UBAC2: variants seen among roughly 807,000 people sequenced by gnomAD.
UBAC2 encodes the protein UBA domain containing 2.
In UBAC2, 26 loss-of-function variants were observed where a neutral mutation model predicts 44.0. That is an observed-to-expected ratio of 0.59 (90% confidence interval 0.43 to 0.82). The LOEUF is 0.82. Among genes scored for constraint, UBAC2 ranks in the 40% least tolerant of loss-of-function variants. UBAC2 has a pLI of 0.00. For missense variants in UBAC2, 329 were observed against 419.4 expected, an observed-to-expected ratio of 0.78 and a Z score of 1.88; for synonymous variants, 155 against 154.3, an observed-to-expected ratio of 1.00 and a Z score of -0.04.
chr13:99,201,290 A>G, intron 1 of UBAC2: 3 of 1,455,550 alleles, frequency 2.1e-6, no homozygotes, highest in Non-Finnish European at 2.7e-6. Flanking sequence ...GCGCTGAAGG[A>G]AGGGGCCGTC....
intron 4 of UBAC2, among the ~76,000 whole-genome samples, chr13:99,262,641 T>C (rs2043680484): frequency 1.1e-5 from 1 of 91,708 alleles, no homozygotes; most frequent in Non-Finnish European, 2.5e-5. Context: ...AGATGGAGGT[T>C]GCAGTGAGCC....
Position 99,358,890 on chromosome 13 carries a change from G to C in UBAC2, c.808-8897G>C, listed in dbSNP as rs549700852. Among the ~76,000 whole-genome samples, 13 of 152,330 alleles carry C rather than the reference G, an allele frequency of 8.5e-5. No individual in the cohort carries two copies. The South Asian group carries it at 1.4e-3, about 17-fold the overall frequency. On this transcript the variant is annotated intron_variant, in intron 7 of 8. Transcript: ENST00000403766. ...ATCTTAGGTGTCTCCTTAACATTTA[G>C]ATGAAAGTGTGTTCAGGAGACAGTG...
chr13:99,246,220 C>G (rs1027264781), intron 4 of UBAC2, among the ~76,000 whole-genome samples: 1 of 152,092 alleles, frequency 6.6e-6, no homozygotes, highest in East Asian at 1.9e-4. Context: ...GAATGTTGAC[C>G]TTTAGCTCTT....
At chr13:99,306,171 C>T (rs1010468590) in intron 4 of UBAC2, among the ~76,000 whole-genome samples, 1 of 152,174 alleles carries the variant, frequency 6.6e-6, no homozygotes, top group Non-Finnish European at 1.5e-5. Flanking sequence ...GCTGGGATTA[C>T]AGGAGTGAGC....
chr13:99,375,117 G>A (rs1011590146), intron 8 of UBAC2, among the ~76,000 whole-genome samples: 5 of 152,014 alleles, frequency 3.3e-5, no homozygotes, highest in Admixed American at 6.6e-5. Flanking sequence ...ATTCTGCTGG[G>A]TGCTCTGAGA....
chr13:99,255,647 G>C, intron 4 of UBAC2: 1 of 1,613,924 alleles, frequency 6.2e-7, no homozygotes, highest in Non-Finnish European at 8.5e-7. Context: ...ATTCGAAAGG[G>C]TAAAGTCATT....
rs149068372 is a variant in UBAC2, at chr13:99,363,697, C to A, written c.808-4090C>A. On this transcript the variant is annotated intron_variant, in intron 7 of 8. Coordinates refer to ENST00000403766, the MANE Select transcript of UBAC2 (RefSeq NM_001144072.2). ...AGAACCTAGTCAACATGGAAAGATACTGAGAAAGGTAGCAAGTCACACGTA... is the reference window on the plus strand; with the variant it reads ...AGAACCTAGTCAACATGGAAAGATAATGAGAAAGGTAGCAAGTCACACGTA... 1.5e-3 allele frequency among the ~76,000 whole-genome samples: 228 copies of A among 152,304 alleles called. 2 individuals are homozygous for A. Among genetic ancestry groups the A allele is most frequent in the African/African-American group, 5.3e-3 (222 of 41,572 alleles).
chr13:99,219,619 G>T (rs1229144416), intron 1 of UBAC2, among the ~76,000 whole-genome samples: 1 of 152,150 alleles, frequency 6.6e-6, no homozygotes, highest in African/African-American at 2.4e-5. Flanking sequence ...TATTGTTAGT[G>T]TTAGTGTACT....
chr13:99,322,830 G>A (rs779181779), intron 6 of UBAC2, among the ~76,000 whole-genome samples: 2 of 152,180 alleles, frequency 1.3e-5, no homozygotes, highest in African/African-American at 2.4e-5. Flanking sequence ...ATCAGGGTTC[G>A]TAGATCATAG....
intron 6 of UBAC2, among the ~76,000 whole-genome samples, chr13:99,327,060 A>C (rs575170790): frequency 6.6e-6 from 1 of 152,184 alleles, no homozygotes; most frequent in Non-Finnish European, 1.5e-5. Flanking sequence ...GCCTATAGCT[A>C]TGCTTTCTCT....
At chr13:99,351,640 T>C (rs1482022035) in intron 7 of UBAC2, 11 of 456,666 alleles carry the variant, frequency 2.4e-5, no homozygotes, top group East Asian at 2.1e-4. Flanking sequence ...AATTCTGTTA[T>C]ATACCACAAC....
chr13:99,280,883 GTTAC>G (rs2043945501), intron 4 of UBAC2, among the ~76,000 whole-genome samples: 1 of 149,112 alleles, frequency 6.7e-6, no homozygotes, highest in African/African-American at 2.5e-5. Flanking sequence ...CCTCAAATCT[GTTAC>G]TTAAGAGAAA....
At chr13:99,240,634 G>T (rs7139654) in intron 2 of UBAC2, among the ~76,000 whole-genome samples, 38,301 of 152,006 alleles carry the variant, frequency 0.25, 6,030 homozygotes, top group Non-Finnish European at 0.35. Flanking sequence ...ATGTGCTCTC[G>T]TGTACTGCCT....
intron 4 of UBAC2, among the ~76,000 whole-genome samples, chr13:99,310,433 G>T (rs561963156): frequency 1.3e-5 from 2 of 152,240 alleles, no homozygotes; most frequent in Non-Finnish European, 2.9e-5. Flanking sequence ...CCAGAAGGTA[G>T]TTCTTCACAG....
chr13:99,232,758 C>T lies in UBAC2; in HGVS notation c.32-5669C>T, dbSNP rs184343067. On this transcript the variant is annotated intron_variant, in intron 1 of 8. Transcript: ENST00000403766. ...GCCACATGGCAAAACCCTGTCTCTA[C>T]ACACACAAAAAAACAAAAACAACGA... Among the ~76,000 whole-genome samples, 458 of 151,998 alleles carry T rather than the reference C, an allele frequency of 3.0e-3. 2 individuals are homozygous for T. Among genetic ancestry groups the T allele is most frequent in the African/African-American group, 0.01 (431 of 41,472 alleles).
At chr13:99,317,960 T>G in intron 5 of UBAC2, 62 bp from the exon 6 acceptor site, 1 of 1,340,942 alleles carries the variant, frequency 7.5e-7, no homozygotes, top group Admixed American at 1.9e-5. Context: ...TATGTAAAAA[T>G]AAGTGTGCTG....
At chr13:99,273,948 C>A (rs2043850119) in intron 4 of UBAC2, among the ~76,000 whole-genome samples, 1 of 147,526 alleles carries the variant, frequency 6.8e-6, no homozygotes, top group Non-Finnish European at 1.5e-5. Flanking sequence ...TGCAATTATT[C>A]TAATTAATAT....
At chr13:99,242,991 A>T (rs1047812153) in intron 2 of UBAC2, among the ~76,000 whole-genome samples, 3 of 139,908 alleles carry the variant, frequency 2.1e-5, no homozygotes, top group Non-Finnish European at 4.7e-5. Context: ...CCTAGATGGG[A>T]TGGCGGCCGG....
chr13:99,340,203 T>A, intron 6 of UBAC2, 117 bp from the exon 7 acceptor site: 1 of 1,155,556 alleles, frequency 8.7e-7, no homozygotes. Context: ...TGCCTAACAC[T>A]GCTATGACTA....
Sources: allele counts gnomAD v4.1 joint callset (sites outside exome capture counted in the v4.1 genomes callset), GRCh38; gene constraint gnomAD v4.1.1; transcripts MANE v1.5; gene names NCBI Gene and HGNC (gene_info 2026-07-23, HGNC 2026-07-21).